The following MDGA2 variants were observed in gnomAD, a reference collection of about 807,000 sequenced individuals.
MDGA2 encodes the protein MAM domain-containing glycosylphosphatidylinositol anchor protein 2.
A neutral mutation model predicts 117.8 loss-of-function variants in MDGA2; 40 were observed. That is an observed-to-expected ratio of 0.34 (90% confidence interval 0.26 to 0.44). The LOEUF (loss-of-function observed/expected upper bound fraction) is 0.44, where lower values mean the gene tolerates loss of function less well. MDGA2 is among the 20% of genes least tolerant of loss of function. The pLI is 1.00. For synonymous variants in MDGA2, 452 were observed against 439.0 expected (o/e 1.03, Z -0.37); for missense variants, 1,123 against 1,250.6 (o/e 0.90, Z 1.54).
intron 2 of MDGA2, among the ~76,000 whole-genome samples, chr14:47,274,753 C>T (rs1888257849): frequency 6.6e-6 from 1 of 152,084 alleles, no homozygotes; most frequent in African/African-American, 2.4e-5. Flanking sequence ...TGTTCATAGG[C>T]ATTTTAGTGA....
intron 3 of MDGA2, chr14:47,200,497 CT>C (rs1885453787): frequency 1.8e-6 from 1 of 566,786 alleles, no homozygotes; most frequent in Non-Finnish European, 2.9e-6. Flanking sequence ...AACCACTTCC[CT>C]TTTTCTATTT....
chr14:46,902,297 A>G (rs1338227450), intron 10 of MDGA2, among the ~76,000 whole-genome samples: 1 of 152,156 alleles, frequency 6.6e-6, no homozygotes, highest in Non-Finnish European at 1.5e-5. Flanking sequence ...GTGGAACTGT[A>G]TATTTGCTTC....
intron 1 of MDGA2, among the ~76,000 whole-genome samples, chr14:47,440,831 G>T (rs773228309): frequency 1.2e-4 from 19 of 152,084 alleles, no homozygotes; most frequent in Non-Finnish European, 2.4e-4. Context: ...GGAATCCAAG[G>T]TATCATTACG....
intron 3 of MDGA2, among the ~76,000 whole-genome samples, chr14:47,186,152 T>C (rs1057364045): frequency 2.6e-5 from 4 of 151,632 alleles, no homozygotes; most frequent in African/African-American, 9.7e-5. Context: ...AATTATTTTA[T>C]TGAAGTTCTT....
intron 2 of MDGA2, among the ~76,000 whole-genome samples, chr14:47,296,309 T>C (rs1357034361): frequency 6.6e-6 from 1 of 152,194 alleles, no homozygotes; most frequent in African/African-American, 2.4e-5. Flanking sequence ...AAACAATTCA[T>C]CTTTTAAAAA....
At chr14:47,253,317 C>T (rs1887509483) in intron 2 of MDGA2, among the ~76,000 whole-genome samples, 1 of 152,168 alleles carries the variant, frequency 6.6e-6, no homozygotes, top group Non-Finnish European at 1.5e-5. Flanking sequence ...AAGGCAAGTC[C>T]CTTCCTCCTA....
chr14:46,967,630 C>T lies in MDGA2; in HGVS notation c.1820-9987G>A, dbSNP rs565894170. 1.4e-4 allele frequency among the ~76,000 whole-genome samples: 21 copies of T among 152,240 alleles called. No individual in the cohort carries two copies. The East Asian group carries it at 2.5e-3, about 18-fold the overall frequency. On this transcript the variant is annotated intron_variant, in intron 8 of 16. Transcript: ENST00000399232. ...CTTCATCAATCCTTACCCACTGCAT[C>T]TTTTCTATTTGGCTGTTCCTGAGTT...
chr14:47,662,842 G>A (rs182458381), intron 1 of MDGA2, among the ~76,000 whole-genome samples: 2 of 152,222 alleles, frequency 1.3e-5, no homozygotes, highest in East Asian at 3.9e-4. Context: ...TGTAGGGAAT[G>A]GTCATAATGG....
chr14:46,880,758 C>T lies in MDGA2; in HGVS notation c.2416+1286G>A, dbSNP rs377246805. On this transcript the variant is annotated intron_variant, in intron 11 of 16. Coordinates refer to ENST00000399232, the MANE Select transcript of MDGA2 (RefSeq NM_001113498.3). ...TGGAGGTTGCGGTGAGCCAAGATTG[C>T]GGCATTGCACTCCAGCCTGGGCAAC... 2.1e-3 allele frequency among the ~76,000 whole-genome samples: 268 copies of T among 128,412 alleles called. 2 individuals are homozygous for T. The highest frequency in any genetic ancestry group is 7.5e-3 in the African/African-American group (254 of 33,914). 84.2% of individuals were successfully genotyped at this position (128,412 alleles called of 152,430 possible).
At chr14:47,446,724 A>G (rs947887178) in intron 1 of MDGA2, among the ~76,000 whole-genome samples, 3 of 143,600 alleles carry the variant, frequency 2.1e-5, no homozygotes, top group Admixed American at 1.4e-4. Flanking sequence ...GCTAGATCCC[A>G]GAAGTAAGTA....
intron 1 of MDGA2, among the ~76,000 whole-genome samples, chr14:47,495,174 G>C (rs1220363877): frequency 6.6e-6 from 1 of 152,034 alleles, no homozygotes; most frequent in African/African-American, 2.4e-5. Context: ...GAAGCAGAAA[G>C]TCAAAAACCA....
chr14:47,233,306 T>C (rs1886751378), intron 2 of MDGA2, among the ~76,000 whole-genome samples: 1 of 152,128 alleles, frequency 6.6e-6, no homozygotes, highest in East Asian at 1.9e-4. Flanking sequence ...CACTAAACTA[T>C]ATGTTAGGTA....
At chr14:47,597,482 T>C (rs1451363640) in intron 1 of MDGA2, among the ~76,000 whole-genome samples, 1 of 152,096 alleles carries the variant, frequency 6.6e-6, no homozygotes, top group African/African-American at 2.4e-5. Flanking sequence ...TTTCCAACTA[T>C]AATATGACTA....
At position 47,301,524 on chromosome 14, in the gene MDGA2, A is replaced by C. The variant is rs1375176343; in HGVS notation, c.307T>G (p.Ser103Ala). The C allele has an allele frequency of 6.4e-7, 1 of 1,551,696 alleles. No individual in the cohort carries two copies. Among genetic ancestry groups the C allele is most frequent in the East Asian group, 2.4e-5 (1 of 40,904 alleles). Residue 103 changes from serine to alanine, a missense_variant, in exon 2 of 17, where the codon TCA becomes GCA. By Grantham distance (99) the Ser-to-Ala change is moderately conservative. This residue lies in a region of MDGA2 where 233 missense variants were observed against 200.3 expected (regional missense o/e 1.16). Coordinates refer to ENST00000399232, the MANE Select transcript of MDGA2 (RefSeq NM_001113498.3). ...YAPPTVRIVHSGLACNIEEER... is the reference protein window; with the variant it reads ...YAPPTVRIVHAGLACNIEEER... Reference sequence around the variant, plus strand: ...TCTTCAATGTTACAGGCCAAGCCTGAGTGCACAATACGAACCGTGGGAGGA... The same window carrying C: ...TCTTCAATGTTACAGGCCAAGCCTGCGTGCACAATACGAACCGTGGGAGGA...
chr14:47,628,693 C>T (rs1666133095), intron 1 of MDGA2, among the ~76,000 whole-genome samples: 1 of 152,212 alleles, frequency 6.6e-6, no homozygotes, highest in Admixed American at 6.5e-5. Flanking sequence ...TTTAGACTTA[C>T]ATCTCAAGGG....
chr14:47,167,320 T>G (rs536455217), intron 3 of MDGA2, among the ~76,000 whole-genome samples: 1 of 152,188 alleles, frequency 6.6e-6, no homozygotes, highest in African/African-American at 2.4e-5. Context: ...ATCTTTGCTC[T>G]TCTCATAAAA....
intron 1 of MDGA2, among the ~76,000 whole-genome samples, chr14:47,669,842 C>G (rs983185846): frequency 8.6e-5 from 13 of 152,004 alleles, no homozygotes; most frequent in African/African-American, 3.1e-4. Context: ...CACACGGCCT[C>G]TCCAAACCCA....
At chr14:47,336,475 T>C (rs1201173976) in intron 1 of MDGA2, among the ~76,000 whole-genome samples, 2 of 152,016 alleles carry the variant, frequency 1.3e-5, no homozygotes, top group Admixed American at 6.6e-5. Flanking sequence ...AATAATTCTT[T>C]GAAGTTGGCA....
At position 47,378,713 on chromosome 14, in the gene MDGA2, T is replaced by A. The variant is rs1891537881; in HGVS notation, c.281-77163A>T. Reference sequence around the variant, plus strand: ...ACAAAGCCTCCAAGAAATATGGGACTATGTGAAAAGACCAAATCTACGTCT... The same window carrying A: ...ACAAAGCCTCCAAGAAATATGGGACAATGTGAAAAGACCAAATCTACGTCT... On this transcript the variant is annotated intron_variant, in intron 1 of 16. Transcript: ENST00000399232. Among the ~76,000 whole-genome samples the A allele has an allele frequency of 2.0e-5, 3 of 152,158 alleles. No individual in the cohort carries two copies. The South Asian group carries it at 6.2e-4, about 32-fold the overall frequency.
Sources: gnomAD v4.1 joint callset for allele counts (sites outside exome capture counted in the v4.1 genomes callset) on GRCh38, gnomAD v4.1.1 for gene constraint, gnomAD v4.1.1 regional missense constraint, MANE v1.5 for transcripts, NCBI Gene and HGNC (gene_info 2026-07-23, HGNC 2026-07-21) for gene names.